The following LVRN variants were observed in gnomAD, a reference collection of about 807,000 sequenced individuals.
LVRN encodes the protein aminopeptidase Q.
In LVRN, 99 loss-of-function variants were observed where a neutral mutation model predicts 111.4. The ratio of observed to expected loss-of-function variants is 0.89; its 90% CI spans 0.76 to 1.05. LVRN has a LOEUF of 1.05. Ranked by LOEUF, LVRN falls within the 50% of genes least tolerant of loss-of-function variation. LVRN has a pLI of 0.00. For missense variants in LVRN, 1,414 were observed against 1,206.8 expected, an observed-to-expected ratio of 1.17 and a Z score of -2.54; for synonymous variants, 488 against 449.5, an observed-to-expected ratio of 1.09 and a Z score of -1.08.
intron 1 of LVRN, among the ~76,000 whole-genome samples, chr5:115,981,852 G>A (rs142750184): frequency 0.013 from 1,988 of 152,244 alleles, 20 homozygotes; most frequent in Non-Finnish European, 0.02. Flanking sequence ...TGTGAGATCG[G>A]AAGGGATATA....
intron 1 of LVRN, among the ~76,000 whole-genome samples, chr5:115,966,539 G>C (rs1188160472): frequency 6.6e-6 from 1 of 152,064 alleles, no homozygotes; most frequent in Non-Finnish European, 1.5e-5. Flanking sequence ...TAAGAGGCGG[G>C]GTCCCTCTAT....
chr5:116,010,469 C>CT (rs1748463377), intron 13 of LVRN: 3 of 497,684 alleles, frequency 6.0e-6, no homozygotes, highest in Admixed American at 2.4e-5. Flanking sequence ...CATAACTCTT[C>CT]TATTTCCTAA....
intron 1 of LVRN, chr5:115,976,063 T>C (rs893427455): frequency 6.5e-6 from 1 of 153,006 alleles, no homozygotes; most frequent in Non-Finnish European, 1.5e-5. Flanking sequence ...CCACACCAAC[T>C]AAGTCGTTCT....
At position 116,026,072 on chromosome 5, in the gene LVRN, A is replaced by G. The variant is rs763193914; in HGVS notation, c.2927A>G (p.Lys976Arg). ...ATAAAGAATGAAAATCTGAAAAACA[A>G]GAAGCTAAGTGCCAGGATAGCTGCG... ...QTIKNENLKN[K>R]KLSARIAAWL... The change falls in exon 20 of 20, where the codon AAG becomes AGG. Residue 976 changes from lysine (K) to arginine (R), a missense_variant. Lys to Arg is a conservative substitution (Grantham distance 26). Coordinates refer to ENST00000357872, the MANE Select transcript of LVRN (RefSeq NM_173800.5). 1.8e-5 allele frequency: 29 copies of G among 1,613,838 alleles called. No individual in the cohort carries two copies. In the East Asian group the frequency reaches 5.8e-4, roughly 32 times the overall value.
At chr5:116,001,609 A>C (rs976306954) in intron 10 of LVRN, among the ~76,000 whole-genome samples, 1 of 152,232 alleles carries the variant, frequency 6.6e-6, no homozygotes, top group Non-Finnish European at 1.5e-5. Context: ...GTCTTACTGC[A>C]GAGTGGTCTT....
chr5:115,974,917 A>G (rs895829859), intron 1 of LVRN: 3 of 475,876 alleles, frequency 6.3e-6, no homozygotes, highest in African/African-American at 2.0e-5. Context: ...CTACTGATAT[A>G]TTTCCAAGTA....
chr5:116,000,705 G>A lies in LVRN; in HGVS notation c.1647+47G>A. On this transcript the variant is annotated intron_variant, in intron 9 of 19. Transcript: ENST00000357872. ...ACATTCTTGCTGAGTTGTTTTGTATGATACAGGAAAAGACTGGGAGGCCAT... is the reference window on the plus strand; with the variant it reads ...ACATTCTTGCTGAGTTGTTTTGTATAATACAGGAAAAGACTGGGAGGCCAT... 4 of 1,592,514 alleles carry A rather than the reference G, an allele frequency of 2.5e-6. 1 individual carries two copies. The South Asian group carries it at 3.3e-5, about 13-fold the overall frequency.
At chr5:116,010,656 T>C in intron 13 of LVRN, 85 bp from the exon 14 acceptor site, 1 of 1,407,886 alleles carries the variant, frequency 7.1e-7, no homozygotes, top group Non-Finnish European at 9.8e-7. Context: ...AAGTCATGCA[T>C]TGAAACATGG....
rs934478783 is a variant in LVRN, at chr5:115,993,771, T to C, written c.1291T>C (p.Trp431Arg). ...TGGAAACTTGGTTACCATGAATTGG[T>C]GGAACAATATCTGGCTCAACGAGGG... ...WFGNLVTMNW[W>R]NNIWLNEGFA... Residue 431 changes from tryptophan (W) to arginine (R), a missense_variant, in exon 6 of 20, where the codon TGG becomes CGG. Transcript: ENST00000357872. The C allele has an allele frequency of 3.7e-6, 6 of 1,609,482 alleles. No individual in the cohort carries two copies. The African/African-American group carries it at 8.0e-5, about 22-fold the overall frequency.
At chr5:115,989,885 T>TTAAGCAAATTGC (rs1747947066) in intron 4 of LVRN, among the ~76,000 whole-genome samples, 1 of 152,200 alleles carries the variant, frequency 6.6e-6, no homozygotes, top group South Asian at 2.1e-4. Flanking sequence ...TCTTAATTGC[T>TTAAGCAAATTGC]TTAACTCTTT....
Position 115,984,649 on chromosome 5 carries a change from C to G in LVRN, c.918C>G (p.Tyr306Ter). ...TFSTTPHMPT[Y>*]LVAFVICDYD... ...CCACTACGCCCCACATGCCAACTTA[C>G]TTAGTCGCATTTGTTATATGTGACT... The change falls in exon 3 of 20, where the codon TAC becomes TAG. Residue 306 changes from tyrosine (Y) to a stop codon, truncating the protein, a stop_gained. Transcript: ENST00000357872. LOFTEE classifies it high-confidence loss of function. The G allele has an allele frequency of 6.2e-7, 1 of 1,613,668 alleles. No homozygotes were observed. The highest frequency in any genetic ancestry group is 8.5e-7 in the Non-Finnish European group (1 of 1,179,752).
intron 1 of LVRN, among the ~76,000 whole-genome samples, chr5:115,978,251 A>G (rs1281719676): frequency 6.6e-6 from 1 of 152,142 alleles, no homozygotes; most frequent in African/African-American, 2.4e-5. Context: ...CACAGAGGAA[A>G]ATGTCATTTC....
intron 10 of LVRN, 79 bp downstream of exon 10, chr5:116,001,318 A>C: frequency 6.7e-7 from 1 of 1,493,500 alleles, no homozygotes; most frequent in Non-Finnish European, 9.2e-7. Context: ...CTGTGGGTGA[A>C]GAAGCGTTAC....
rs1748873468 is a variant in LVRN at position 116,026,648 on chromosome 5, G to A, written c.*530G>A. Reference sequence around the variant, plus strand: ...AAAGAAAAGCAAGTTGAAAAAGAAAGAGGAGACAATTTAACGAGCCCTAAA... The same window carrying A: ...AAAGAAAAGCAAGTTGAAAAAGAAAAAGGAGACAATTTAACGAGCCCTAAA... On this transcript the variant is annotated 3_prime_UTR_variant, in exon 20 of 20. Transcript: ENST00000357872. The A allele has an allele frequency of 6.1e-6, 1 of 162,610 alleles. No homozygotes were observed. Among genetic ancestry groups the A allele is most frequent in the African/African-American group, 2.4e-5 (1 of 41,504 alleles). The allele number at this position is 162,610 out of a possible 1,614,324, so 10.1% of individuals were successfully genotyped here.
intron 7 of LVRN, among the ~76,000 whole-genome samples, chr5:116,000,201 A>T (rs1173194665): frequency 1.3e-5 from 2 of 152,186 alleles, no homozygotes; most frequent in Non-Finnish European, 2.9e-5. Flanking sequence ...CTCAATTTTT[A>T]AAAATTTTAT....
chr5:116,013,087 T>C (rs1417233042), intron 15 of LVRN, among the ~76,000 whole-genome samples: 1 of 152,168 alleles, frequency 6.6e-6, no homozygotes, highest in African/African-American at 2.4e-5. Flanking sequence ...GGATGGTCTC[T>C]AGATATAGGG....
chr5:116,012,289 C>G (rs1290171304), intron 14 of LVRN, 85 bp from the exon 15 acceptor site: 1 of 746,636 alleles, frequency 1.3e-6, no homozygotes, highest in Non-Finnish European at 2.3e-6. Context: ...CTATCAATGT[C>G]TTTTCAGATA....
intron 3 of LVRN, among the ~76,000 whole-genome samples, chr5:115,985,752 C>T (rs964452907): frequency 2.0e-5 from 3 of 152,176 alleles, no homozygotes; most frequent in African/African-American, 7.2e-5. Flanking sequence ...CCAATTACCC[C>T]CTTTATAATA....
In LVRN at chr5:116,026,125, GCTAT is replaced by G. The variant is rs1561572975; in HGVS notation, c.*10_*13del. 1 of 1,613,526 alleles carries G rather than the reference GCTAT, an allele frequency of 6.2e-7. No individual in the cohort carries two copies. Among genetic ancestry groups the G allele is most frequent in the Admixed American group, 1.7e-5 (1 of 59,998 alleles). On this transcript the variant is annotated 3_prime_UTR_variant, in exon 20 of 20. Transcript: ENST00000357872. ...GCTAAGGAGAAACACATAGCTTGTG[GCTAT>G]CTTTCAGCACTCCTCTTGCATATTA... is the stretch of plus-strand genomic sequence containing the variant.
Sources: allele counts gnomAD v4.1 joint callset (sites outside exome capture counted in the v4.1 genomes callset), GRCh38; gene constraint gnomAD v4.1.1; transcripts MANE v1.5; gene names NCBI Gene and HGNC (gene_info 2026-07-23, HGNC 2026-07-21).